Variants in PCDHGB6 observed in about 807,000 individuals in gnomAD.
PCDHGB6 encodes the protein protocadherin gamma subfamily B, 6.
Under a neutral mutation model 59.1 loss-of-function variants are expected in PCDHGB6, and 51 were observed. The observed-to-expected ratio is 0.86, with a 90% CI of 0.69 to 1.09. The LOEUF is 1.09. Ranked by LOEUF, PCDHGB6 falls within the 50% of genes least tolerant of loss-of-function variation. PCDHGB6 has a pLI of 0.00. For synonymous variants in PCDHGB6, 466 were observed against 495.1 expected (o/e 0.94, Z 0.78); for missense variants, 1,148 against 1,205.1 (o/e 0.95, Z 0.70).
rs2099691833 is a variant in PCDHGB6, at chr5:141,489,761, C to A, written c.2419-5046C>A. 8.1e-6 allele frequency: 13 copies of A among 1,614,102 alleles called. No individual in the cohort carries two copies. The highest frequency in any genetic ancestry group is 1.1e-5 in the Non-Finnish European group (13 of 1,179,962). ...ACTGTGAGCTTTTACACTCTAAGCCCCAACAGCCACTTCTCTCTGAATGTG... is the reference window on the plus strand; with the variant it reads ...ACTGTGAGCTTTTACACTCTAAGCCACAACAGCCACTTCTCTCTGAATGTG... On this transcript the variant is annotated intron_variant, in intron 1 of 3. Coordinates refer to ENST00000520790, the MANE Select transcript of PCDHGB6 (RefSeq NM_018926.3). The surrounding 1 kb of genome is among the most constrained non-coding windows in gnomAD (Gnocchi z 4.5).
chr5:141,484,763 T>C (rs2099600495), intron 1 of PCDHGB6, among the ~76,000 whole-genome samples: 1 of 151,872 alleles, frequency 6.6e-6, no homozygotes, highest in East Asian at 1.9e-4. Flanking sequence ...TATATATATA[T>C]ATGTTGTCTG....
intron 1 of PCDHGB6, among the ~76,000 whole-genome samples, chr5:141,483,689 G>A (rs1234666254): frequency 6.6e-6 from 1 of 152,022 alleles, no homozygotes; most frequent in Non-Finnish European, 1.5e-5. Flanking sequence ...CAGAAAGCCA[G>A]ATTCCTCTTT....
In PCDHGB6 at chr5:141,501,310, C is replaced by T. The variant is rs958976594; in HGVS notation, c.2478-4083C>T. ...CCTTATACACACACACACACACACA[C>T]ACACACACACACACACACACACACC... On this transcript the variant is annotated intron_variant, in intron 2 of 3. Transcript: ENST00000520790. Among the ~76,000 whole-genome samples, 4 of 151,684 alleles carry T rather than the reference C, an allele frequency of 2.6e-5. No individual in the cohort carries two copies. The South Asian group carries it at 8.3e-4, about 32-fold the overall frequency.
In PCDHGB6 at chr5:141,476,702, C is replaced by A. The variant is rs751321222; in HGVS notation, c.2419-18105C>A. 1.4e-5 allele frequency: 23 copies of A among 1,614,104 alleles called. No individual in the cohort carries two copies. Among genetic ancestry groups the A allele is most frequent in the Non-Finnish European group, 1.7e-5 (20 of 1,180,050 alleles). ...GGAGGACAGCACCAAGTACGCGGAG[C>A]TGGTGTTGGAGCGCGCCCTGGACCG... is the stretch of plus-strand genomic sequence containing the variant. On this transcript the variant is annotated intron_variant, in intron 1 of 3. Coordinates refer to ENST00000520790, the MANE Select transcript of PCDHGB6 (RefSeq NM_018926.3). The surrounding 1 kb of genome is among the most constrained non-coding windows in gnomAD (Gnocchi z 7.6).
chr5:141,450,977 A>G (rs2098702822), intron 1 of PCDHGB6, among the ~76,000 whole-genome samples: 1 of 151,760 alleles, frequency 6.6e-6, no homozygotes, highest in African/African-American at 2.4e-5. Context: ...GGCATGTGCC[A>G]CCACACCCGG....
In PCDHGB6 at chr5:141,470,146, A is replaced by G. The variant is rs181633492; in HGVS notation, c.2419-24661A>G. On this transcript the variant is annotated intron_variant, in intron 1 of 3. Coordinates refer to ENST00000520790, the MANE Select transcript of PCDHGB6 (RefSeq NM_018926.3). ...TTCGTCTCAAAAAAAAAGATCATAG[A>G]TCATCTTATCAAATCAAAGTATGCA... Among the ~76,000 whole-genome samples, 102 of 152,308 alleles carry G rather than the reference A, an allele frequency of 6.7e-4. 2 individuals carry two copies. Among genetic ancestry groups the G allele is most frequent in the African/African-American group, 2.4e-3 (99 of 41,558 alleles).
Position 141,485,072 on chromosome 5 carries a change from G to C in PCDHGB6, c.2419-9735G>C. 1.1e-6 allele frequency: 1 copy of C among 917,012 alleles called. No individual in the cohort carries two copies. The highest frequency in any genetic ancestry group is 1.7e-6 in the Non-Finnish European group (1 of 587,880). 56.8% of individuals were successfully genotyped at this position (917,012 alleles called of 1,614,324 possible). On this transcript the variant is annotated intron_variant, in intron 1 of 3. Coordinates refer to ENST00000520790, the MANE Select transcript of PCDHGB6 (RefSeq NM_018926.3). The surrounding 1 kb of genome is among the most constrained non-coding windows in gnomAD (Gnocchi z 5.7). ...CCGGCCGAACCGCGCCAGAGCTGGCGCGGGGAAAGGGAGATAGGTGTCTCC... is the reference window on the plus strand; with the variant it reads ...CCGGCCGAACCGCGCCAGAGCTGGCCCGGGGAAAGGGAGATAGGTGTCTCC...
intron 1 of PCDHGB6, among the ~76,000 whole-genome samples, chr5:141,437,987 C>T (rs2097922147): frequency 1.3e-5 from 2 of 152,156 alleles, no homozygotes; most frequent in African/African-American, 2.4e-5. Flanking sequence ...GCACCCACCC[C>T]ACCTCAGCCT....
Position 141,408,540 on chromosome 5 carries a change from C to A in PCDHGB6, c.338C>A (p.Pro113His), listed in dbSNP as rs201370009. 6.2e-7 allele frequency: 1 copy of A among 1,614,046 alleles called. No individual in the cohort carries two copies. Residue 113 changes from proline (P) to histidine (H), a missense_variant, in exon 1 of 4, where the codon CCT becomes CAT. Pro to His is a moderately conservative substitution (Grantham distance 77). Around this residue, in one of 5 missense-constraint regions of PCDHGB6, gnomAD observed 307 missense variants for 323.8 expected, o/e 0.95. Coordinates refer to ENST00000520790, the MANE Select transcript of PCDHGB6 (RefSeq NM_018926.3). ...ELQLEAVVEN[P>H]LNIFHVIVVI... ...CAATTGGAAGCTGTGGTGGAAAATC[C>A]TTTAAATATTTTTCATGTCATTGTG... is the stretch of plus-strand genomic sequence containing the variant.
intron 2 of PCDHGB6, among the ~76,000 whole-genome samples, chr5:141,504,059 T>C (rs1179226175): frequency 6.6e-6 from 1 of 152,184 alleles, no homozygotes; most frequent in Admixed American, 6.6e-5. Flanking sequence ...ATTGAAAAAC[T>C]TCTCTGAGCC....
At chr5:141,416,652 A>T (rs1028914487) in intron 1 of PCDHGB6, 1 of 152,240 alleles carries the variant, frequency 6.6e-6, no homozygotes, top group Non-Finnish European at 1.5e-5. Context: ...ACAGCTGTAA[A>T]AAAGAAAAGA....
At position 141,423,255 on chromosome 5, in the gene PCDHGB6, C is replaced by T. The variant is rs368969800; in HGVS notation, c.2418+12635C>T. ...GCATCCCCGAAGTCCTGGCGGACCT[C>T]GGCAGCCTCGAGTCTCTGGCTAACT... On this transcript the variant is annotated intron_variant, in intron 1 of 3. Transcript: ENST00000520790. 2.0e-5 allele frequency: 33 copies of T among 1,613,930 alleles called. No homozygotes were observed. In the East Asian group the frequency reaches 3.8e-4, roughly 19 times the overall value.
In PCDHGB6 at chr5:141,487,930, G is replaced by T; in HGVS notation, c.2419-6877G>T. On this transcript the variant is annotated intron_variant, in intron 1 of 3. Coordinates refer to ENST00000520790, the MANE Select transcript of PCDHGB6 (RefSeq NM_018926.3). This position sits in a 1 kb window ranked among gnomAD's most constrained non-coding sequence, Gnocchi z 5.0. Reference sequence around the variant, plus strand: ...GAGCACAGGAGGCTACAGTGCACAGGGTACAGTGCACCAGGCAGTCACTTG... The same window carrying T: ...GAGCACAGGAGGCTACAGTGCACAGTGTACAGTGCACCAGGCAGTCACTTG... 2 of 613,220 alleles carry T rather than the reference G, an allele frequency of 3.3e-6. No homozygotes were observed. Among genetic ancestry groups the T allele is most frequent in the African/African-American group, 1.8e-5 (1 of 54,186 alleles). 38.0% of individuals were successfully genotyped at this position (613,220 alleles called of 1,614,324 possible).
chr5:141,456,678 T>C (rs2098875796), intron 1 of PCDHGB6, among the ~76,000 whole-genome samples: 1 of 152,152 alleles, frequency 6.6e-6, no homozygotes, highest in South Asian at 2.1e-4. Flanking sequence ...TAAAAATGCA[T>C]TACTGGCCAG....
Position 141,512,836 on chromosome 5 carries a change from T to G in PCDHGB6, c.*1663T>G, listed in dbSNP as rs1024777792. On this transcript the variant is annotated 3_prime_UTR_variant, in exon 4 of 4. Transcript: ENST00000520790. ...GGCGACCCCCTCCCCCGTACTGACTTCTCCTATAAGCGCTTCTCTTCGCAT... is the reference window on the plus strand; with the variant it reads ...GGCGACCCCCTCCCCCGTACTGACTGCTCCTATAAGCGCTTCTCTTCGCAT... 2 of 152,222 alleles carry G rather than the reference T, an allele frequency of 1.3e-5. No homozygotes were observed. Among genetic ancestry groups the G allele is most frequent in the African/African-American group, 4.8e-5 (2 of 41,412 alleles). The allele number at this position is 152,222 out of a possible 1,614,324, so 9.4% of individuals were successfully genotyped here. A position where few individuals can be genotyped will look rare whatever the true frequency, so the allele number is the denominator to read the frequency against.
chr5:141,461,230 G>T (rs945407206), intron 1 of PCDHGB6, among the ~76,000 whole-genome samples: 2 of 152,024 alleles, frequency 1.3e-5, no homozygotes, highest in African/African-American at 4.8e-5. Flanking sequence ...TTCCATAGAG[G>T]TTGTACTAAT....
intron 2 of PCDHGB6, among the ~76,000 whole-genome samples, chr5:141,496,505 A>G (rs1166234572): frequency 1.3e-5 from 2 of 152,144 alleles, no homozygotes; most frequent in Non-Finnish European, 2.9e-5. Flanking sequence ...TGTTGCCACA[A>G]GGACCCAGGA....
At chr5:141,492,218 T>C (rs2099738354) in intron 1 of PCDHGB6, among the ~76,000 whole-genome samples, 1 of 152,114 alleles carries the variant, frequency 6.6e-6, no homozygotes. Flanking sequence ...GCGGGGCTCA[T>C]GCGTGTCCTC....
rs1231863269 is a variant in PCDHGB6 at position 141,485,594 on chromosome 5, G to A, written c.2419-9213G>A. 1.9e-6 allele frequency: 3 copies of A among 1,612,578 alleles called. No individual in the cohort carries two copies. The highest frequency in any genetic ancestry group is 2.5e-6 in the Non-Finnish European group (3 of 1,178,798). On this transcript the variant is annotated intron_variant, in intron 1 of 3. Transcript: ENST00000520790. The surrounding 1 kb of genome is among the most constrained non-coding windows in gnomAD (Gnocchi z 5.7). ...TTTTCCGCGGCAGCAGCTGGACTTGGAAATTGGGGAGGCAGCTCCTCCAGG... is the reference window on the plus strand; with the variant it reads ...TTTTCCGCGGCAGCAGCTGGACTTGAAAATTGGGGAGGCAGCTCCTCCAGG...
Sources: allele counts gnomAD v4.1 joint callset (sites outside exome capture counted in the v4.1 genomes callset), GRCh38; gene constraint gnomAD v4.1.1; regional missense constraint gnomAD v4.1.1; non-coding constraint Gnocchi (gnomAD v3.1); transcripts MANE v1.5; gene names NCBI Gene and HGNC (gene_info 2026-07-23, HGNC 2026-07-21).